UNC80: variants seen among roughly 807,000 people sequenced by gnomAD.
The protein encoded by UNC80 is protein unc-80 homolog.
A neutral mutation model predicts 384.6 loss-of-function variants in UNC80; 164 were observed. The observed-to-expected ratio is 0.43, with a 90% CI of 0.38 to 0.49. The LOEUF (loss-of-function observed/expected upper bound fraction) is 0.49, where lower values mean the gene tolerates loss of function less well. Ranked by LOEUF, UNC80 falls within the 20% of genes least tolerant of loss-of-function variation. The pLI, the probability that UNC80 is intolerant of heterozygous loss-of-function variation, is 0.00. For missense variants in UNC80, 3,330 were observed against 4,143.0 expected (o/e 0.80, Z 5.39); for synonymous variants, 1,486 against 1,527.8 (o/e 0.97, Z 0.64).
intron 26 of UNC80, among the ~76,000 whole-genome samples, chr2:209,890,658 T>G (rs2086244956): frequency 1.3e-5 from 2 of 152,222 alleles, no homozygotes; most frequent in Admixed American, 6.5e-5. Flanking sequence ...GTCCAAGTTA[T>G]TTACCTTCTA....
intron 5 of UNC80, among the ~76,000 whole-genome samples, chr2:209,787,272 C>A (rs551143596): frequency 7.7e-4 from 111 of 143,920 alleles, no homozygotes; most frequent in African/African-American, 3.0e-3. Context: ...ACATTGCCAT[C>A]TTAGTTTCCC....
intron 16 of UNC80, among the ~76,000 whole-genome samples, chr2:209,832,574 AC>A (rs2081051086): frequency 6.6e-6 from 1 of 152,230 alleles, no homozygotes; most frequent in Non-Finnish European, 1.5e-5. Context: ...GAAACAATTC[AC>A]TTAACTTGAG....
chr2:209,966,044 C>G (rs1559408299), intron 51 of UNC80, among the ~76,000 whole-genome samples: 12 of 152,132 alleles, frequency 7.9e-5, no homozygotes. Flanking sequence ...ATGCCATCCA[C>G]ACATGCATTC....
At chr2:209,786,591 C>G (rs1176785687) in intron 5 of UNC80, among the ~76,000 whole-genome samples, 1 of 151,944 alleles carries the variant, frequency 6.6e-6, no homozygotes, top group African/African-American at 2.4e-5. Context: ...AGCAGGGGCT[C>G]CTTAACAAAA....
chr2:209,831,907 C>T (rs1032743129), intron 16 of UNC80, among the ~76,000 whole-genome samples: 2 of 152,024 alleles, frequency 1.3e-5, no homozygotes, highest in South Asian at 2.1e-4. Context: ...CTTGTTGGCT[C>T]GTAAAATACT....
intron 33 of UNC80, 115 bp from the exon 34 acceptor site, chr2:209,921,385 C>A: frequency 1.9e-6 from 2 of 1,067,666 alleles, no homozygotes; most frequent in Non-Finnish European, 1.3e-6. Flanking sequence ...CATGGGTATC[C>A]TAACATTTCC....
intron 60 of UNC80, chr2:209,983,059 T>G (rs2093198138): frequency 6.6e-6 from 1 of 152,044 alleles, no homozygotes; most frequent in Admixed American, 6.6e-5. Flanking sequence ...TATTTTCACT[T>G]TAGGAATTGA....
chr2:209,831,420 T>C, intron 15 of UNC80, 23 bp from the exon 16 acceptor site: 1 of 1,536,720 alleles, frequency 6.5e-7, no homozygotes, highest in African/African-American at 1.4e-5. Flanking sequence ...ACATTGTCTT[T>C]AATTTGTGCC....
At chr2:209,992,840 G>T (rs1339609186) in intron 62 of UNC80, among the ~76,000 whole-genome samples, 1 of 152,196 alleles carries the variant, frequency 6.6e-6, no homozygotes, top group African/African-American at 2.4e-5. Flanking sequence ...CTTAGGTGGA[G>T]TTCTTTTACA....
intron 34 of UNC80, 92 bp from the exon 35 acceptor site, chr2:209,922,160 G>A (rs1359740613): frequency 8.6e-6 from 12 of 1,395,496 alleles, no homozygotes; most frequent in Non-Finnish European, 1.2e-5. Flanking sequence ...TATGGTCTGA[G>A]AGCAGTATGC....
chr2:209,956,433 G>A (rs528067566), intron 48 of UNC80, among the ~76,000 whole-genome samples: 3 of 129,760 alleles, frequency 2.3e-5, no homozygotes, highest in African/African-American at 5.7e-5. Flanking sequence ...AGTTCCATGC[G>A]GCTTTAGGTC....
At chr2:209,883,860 TGTCAC>T (rs1191686596) in intron 25 of UNC80, among the ~76,000 whole-genome samples, 1 of 152,240 alleles carries the variant, frequency 6.6e-6, no homozygotes, top group Non-Finnish European at 1.5e-5. Context: ...TCATCCATGT[TGTCAC>T]ATATGTCAGA....
chr2:209,815,675 TGTG>T (rs2079683478), intron 9 of UNC80, among the ~76,000 whole-genome samples: 3 of 152,212 alleles, frequency 2.0e-5, no homozygotes, highest in Admixed American at 2.0e-4. Context: ...TGGAAGTAGT[TGTG>T]GTAACGATGA....
At chr2:209,977,377 G>A (rs2093039386) in intron 58 of UNC80, among the ~76,000 whole-genome samples, 2 of 151,946 alleles carry the variant, frequency 1.3e-5, no homozygotes, top group African/African-American at 4.8e-5. Context: ...GTATTTAATT[G>A]GAAGAAAAAT....
chr2:209,773,185 G>A (rs779499284), intron 2 of UNC80, 43 bp downstream of exon 2: 25 of 1,551,536 alleles, frequency 1.6e-5, no homozygotes, highest in Non-Finnish European at 2.2e-5. Context: ...CCTATTCTGT[G>A]TGGTGGTTTG....
chr2:209,931,094 C>T (rs754860251), intron 38 of UNC80, 40 bp downstream of exon 38: 3 of 1,423,390 alleles, frequency 2.1e-6, no homozygotes, highest in Admixed American at 4.2e-5. Context: ...GAAGCAGCAC[C>T]ATGATGAAAA....
At position 209,837,142 on chromosome 2, in the gene UNC80, G is replaced by C. The variant is rs956163600; in HGVS notation, c.3042-2080G>C. On this transcript the variant is annotated intron_variant, in intron 18 of 64. Transcript: ENST00000673920. ...AGAACTTAAAAATATTCAGTACTCT[G>C]ATGAGATTTTAAGAAATTCTGGATA... Among the ~76,000 whole-genome samples the C allele has an allele frequency of 8.5e-4, 130 of 152,324 alleles. 1 individual carries two copies. Among genetic ancestry groups the C allele is most frequent in the African/African-American group, 3.1e-3 (129 of 41,578 alleles).
At chr2:209,778,587 C>G (rs2076992970) in intron 4 of UNC80, among the ~76,000 whole-genome samples, 1 of 152,206 alleles carries the variant, frequency 6.6e-6, no homozygotes, top group Non-Finnish European at 1.5e-5. Context: ...TTTGAAATCA[C>G]TGTGCCATCA....
At chr2:209,898,544 C>T (rs1167952898) in intron 28 of UNC80, among the ~76,000 whole-genome samples, 1 of 151,968 alleles carries the variant, frequency 6.6e-6, no homozygotes, top group East Asian at 1.9e-4. Flanking sequence ...TGTTTTGATA[C>T]AGGCATGTAA....
Sources: allele counts gnomAD v4.1 joint callset (sites outside exome capture counted in the v4.1 genomes callset), GRCh38; gene constraint gnomAD v4.1.1; transcripts MANE v1.5; gene names NCBI Gene and HGNC (gene_info 2026-07-23, HGNC 2026-07-21).